Variants in SH3RF3 observed in about 807,000 individuals in gnomAD.
SH3RF3 encodes the protein E3 ubiquitin-protein ligase SH3RF3.
Under a neutral mutation model 66.3 loss-of-function variants are expected in SH3RF3, and 29 were observed. The ratio of observed to expected loss-of-function variants is 0.44; its 90% CI spans 0.33 to 0.60. The LOEUF is 0.60. Among genes scored for constraint, SH3RF3 ranks in the 20% least tolerant of loss-of-function variants. SH3RF3 has a pLI of 0.04. For synonymous variants in SH3RF3, 583 were observed against 532.0 expected, an observed-to-expected ratio of 1.10 and a Z score of -1.32; for missense variants, 1,194 against 1,190.9, an observed-to-expected ratio of 1.00 and a Z score of -0.04.
At chr2:109,281,196 C>T (rs1440816958) in intron 1 of SH3RF3, among the ~76,000 whole-genome samples, 6 of 152,250 alleles carry the variant, frequency 3.9e-5, no homozygotes, top group African/African-American at 1.4e-4. Context: ...CCCTGTCCCT[C>T]CTGCGACCCC....
At chr2:109,499,881 G>A (rs756727533) in intron 9 of SH3RF3, among the ~76,000 whole-genome samples, 5 of 152,210 alleles carry the variant, frequency 3.3e-5, no homozygotes, top group Admixed American at 6.5e-5. Flanking sequence ...ATAGGGTCCA[G>A]GCTGAGCTGA....
At chr2:109,161,043 G>A (rs1195095954) in intron 1 of SH3RF3, among the ~76,000 whole-genome samples, 1 of 152,194 alleles carries the variant, frequency 6.6e-6, no homozygotes, top group Non-Finnish European at 1.5e-5. Context: ...GAGAGATGGA[G>A]AGGCAGAAGT....
intron 9 of SH3RF3, among the ~76,000 whole-genome samples, chr2:109,499,960 G>A (rs531153310): frequency 1.6e-4 from 24 of 152,294 alleles, no homozygotes; most frequent in Non-Finnish European, 2.6e-4. Flanking sequence ...GGGAGGCAGC[G>A]AGTGGGGGCT....
At chr2:109,273,429 C>T (rs573156627) in intron 1 of SH3RF3, among the ~76,000 whole-genome samples, 15 of 152,266 alleles carry the variant, frequency 9.9e-5, no homozygotes, top group Non-Finnish European at 1.9e-4. Context: ...CCATGCCTGC[C>T]CCCAGGAGGT....
chr2:109,264,938 T>C (rs529681120), intron 1 of SH3RF3, among the ~76,000 whole-genome samples: 1 of 152,280 alleles, frequency 6.6e-6, no homozygotes, highest in African/African-American at 2.4e-5. Context: ...GTAAGAAATG[T>C]AGGATTTTGT....
chr2:109,418,531 G>A (rs1433474229), intron 4 of SH3RF3, among the ~76,000 whole-genome samples: 1 of 152,016 alleles, frequency 6.6e-6, no homozygotes, highest in African/African-American at 2.4e-5. Flanking sequence ...TCACTGCTCC[G>A]TCCTCACATG....
intron 1 of SH3RF3, among the ~76,000 whole-genome samples, chr2:109,265,795 G>A (rs1181459472): frequency 6.6e-6 from 1 of 152,220 alleles, no homozygotes; most frequent in African/African-American, 2.4e-5. Flanking sequence ...CTTTTAATAT[G>A]CAGGGTTGCA....
intron 1 of SH3RF3, among the ~76,000 whole-genome samples, chr2:109,322,405 C>T (rs1682046767): frequency 6.6e-6 from 1 of 152,144 alleles, no homozygotes; most frequent in Admixed American, 6.5e-5. Flanking sequence ...GGCAGGAATC[C>T]AGGAGCCTGA....
At chr2:109,195,324 G>A (rs1678470470) in intron 1 of SH3RF3, among the ~76,000 whole-genome samples, 1 of 152,186 alleles carries the variant, frequency 6.6e-6, no homozygotes, top group African/African-American at 2.4e-5. Context: ...CTGGGAGGAA[G>A]GAGGGGTGAC....
At chr2:109,150,431 CTG>C (rs2104867927) in intron 1 of SH3RF3, among the ~76,000 whole-genome samples, 1 of 152,306 alleles carries the variant, frequency 6.6e-6, no homozygotes, top group African/African-American at 2.4e-5. Context: ...TGGAACTACT[CTG>C]CTCATTATTT....
intron 1 of SH3RF3, among the ~76,000 whole-genome samples, chr2:109,184,730 G>A (rs1678149583): frequency 6.6e-6 from 1 of 152,182 alleles, no homozygotes; most frequent in African/African-American, 2.4e-5. Context: ...CTGTGAATGT[G>A]CAGCCTCCTA....
chr2:109,201,838 G>T (rs1165173538), intron 1 of SH3RF3, among the ~76,000 whole-genome samples: 1 of 152,208 alleles, frequency 6.6e-6, no homozygotes, highest in African/African-American at 2.4e-5. Flanking sequence ...ATGGGGCATA[G>T]TGCCCTCCCT....
At chr2:109,138,871 A>G (rs1676872403) in intron 1 of SH3RF3, among the ~76,000 whole-genome samples, 1 of 152,240 alleles carries the variant, frequency 6.6e-6, no homozygotes, top group South Asian at 2.1e-4. Context: ...AAGCACTGGA[A>G]TATACATTGT....
At chr2:109,184,454 G>A (rs1468956437) in intron 1 of SH3RF3, among the ~76,000 whole-genome samples, 1 of 152,196 alleles carries the variant, frequency 6.6e-6, no homozygotes, top group African/African-American at 2.4e-5. Context: ...CGGGGCCCTG[G>A]GGGAGCTCTG....
chr2:109,357,543 G>T (rs1298859214), intron 2 of SH3RF3, among the ~76,000 whole-genome samples: 1 of 152,208 alleles, frequency 6.6e-6, no homozygotes, highest in Non-Finnish European at 1.5e-5. Flanking sequence ...GCCTCTGACA[G>T]TTACCAGCCC....
intron 1 of SH3RF3, among the ~76,000 whole-genome samples, chr2:109,178,787 G>A (rs919193401): frequency 1.3e-5 from 2 of 152,100 alleles, no homozygotes; most frequent in Non-Finnish European, 2.9e-5. Flanking sequence ...GGTGTCTCTG[G>A]CAGCACAAAA....
intron 1 of SH3RF3, among the ~76,000 whole-genome samples, chr2:109,224,158 C>A (rs1310402632): frequency 6.6e-6 from 1 of 152,046 alleles, no homozygotes; most frequent in African/African-American, 2.4e-5. Flanking sequence ...GCTTGGCAGG[C>A]CTAGAGAGTG....
chr2:109,472,804 C>T (rs1184821898), intron 8 of SH3RF3, among the ~76,000 whole-genome samples: 3 of 152,152 alleles, frequency 2.0e-5, no homozygotes, highest in South Asian at 2.1e-4. Flanking sequence ...GCCAGACGCC[C>T]GTTGGAAATC....
At chr2:109,151,948 A>C (rs1038086218) in intron 1 of SH3RF3, among the ~76,000 whole-genome samples, 2 of 152,254 alleles carry the variant, frequency 1.3e-5, no homozygotes, top group East Asian at 1.9e-4. Context: ...GGGCTTATAA[A>C]ATGCATGCTG....
Sources: allele counts gnomAD v4.1 joint callset (sites outside exome capture counted in the v4.1 genomes callset), GRCh38; gene constraint gnomAD v4.1.1; transcripts MANE v1.5; gene names NCBI Gene and HGNC (gene_info 2026-07-23, HGNC 2026-07-21).